Variants in DLGAP1 observed in about 807,000 individuals in gnomAD.
The protein encoded by DLGAP1 is DLG associated protein 1.
A neutral mutation model predicts 90.8 loss-of-function variants in DLGAP1; 11 were observed. That is an observed-to-expected ratio of 0.12 (90% CI 0.08 to 0.20). The LOEUF (loss-of-function observed/expected upper bound fraction) is 0.20, where lower values mean the gene tolerates loss of function less well. Ranked by LOEUF, DLGAP1 falls within the 10% of genes least tolerant of loss-of-function variation. The pLI, the probability that DLGAP1 is intolerant of heterozygous loss-of-function variation, is 1.00. For missense variants in DLGAP1, 1,050 were observed against 1,333.8 expected, an observed-to-expected ratio of 0.79 and a Z score of 3.31; for synonymous variants, 558 against 540.7, an observed-to-expected ratio of 1.03 and a Z score of -0.44.
rs550182820 is a variant in DLGAP1 at position 4,227,587 on chromosome 18, C to A, written c.-266-76300G>T. On this transcript the variant is annotated intron_variant, in intron 1 of 12. Transcript: ENST00000315677. ...AACACATGGAAATTAAATAATATGC[C>A]CCCAAATGATTAGTAAGTGGGTGAA... Among the ~76,000 whole-genome samples the A allele has an allele frequency of 2.6e-5, 4 of 151,228 alleles. No homozygotes were observed. The South Asian group carries it at 6.3e-4, about 24-fold the overall frequency.
intron 3 of DLGAP1, among the ~76,000 whole-genome samples, chr18:3,941,292 A>AGG (rs1486555854): frequency 6.6e-6 from 1 of 152,202 alleles, no homozygotes; most frequent in African/African-American, 2.4e-5. Flanking sequence ...GGAACACTGC[A>AGG]GTAGGGTTTG....
intron 3 of DLGAP1, among the ~76,000 whole-genome samples, chr18:3,989,815 G>T (rs927433145): frequency 6.6e-6 from 1 of 152,084 alleles, no homozygotes; most frequent in Non-Finnish European, 1.5e-5. Context: ...ATCAAAAAGT[G>T]GGTGAAGGAT....
chr18:3,651,903 G>A (rs976575549), intron 7 of DLGAP1, among the ~76,000 whole-genome samples: 9 of 152,046 alleles, frequency 5.9e-5, no homozygotes, highest in South Asian at 2.1e-4. Context: ...CCCAGGAGGC[G>A]GAGGTTGCAG....
rs183444594 is a variant in DLGAP1, at chr18:4,184,967, C to T, written c.-266-33680G>A. On this transcript the variant is annotated intron_variant, in intron 1 of 12. Transcript: ENST00000315677. ...TTGATGTTCTATGAACACTTTAATACGTTAGAGATCACTTAATGCAGTTGA... is the reference window on the plus strand; with the variant it reads ...TTGATGTTCTATGAACACTTTAATATGTTAGAGATCACTTAATGCAGTTGA... Among the ~76,000 whole-genome samples, 86 of 152,194 alleles carry T rather than the reference C, an allele frequency of 5.7e-4. 1 individual carries two copies. In the East Asian group the frequency reaches 0.01, roughly 19 times the overall value.
intron 2 of DLGAP1, among the ~76,000 whole-genome samples, chr18:4,075,906 A>C (rs2075515903): frequency 6.6e-6 from 1 of 152,174 alleles, no homozygotes; most frequent in South Asian, 2.1e-4. Context: ...GTTTTATCAG[A>C]ATCTGTTGTC....
intron 3 of DLGAP1, among the ~76,000 whole-genome samples, chr18:3,930,387 T>G (rs1039478981): frequency 1.3e-5 from 2 of 152,218 alleles, no homozygotes; most frequent in African/African-American, 4.8e-5. Context: ...TACCCTCTTG[T>G]GAAATCATCA....
At chr18:4,128,486 GATT>G (rs1418336503) in intron 2 of DLGAP1, among the ~76,000 whole-genome samples, 1 of 152,104 alleles carries the variant, frequency 6.6e-6, no homozygotes, top group African/African-American at 2.4e-5. Flanking sequence ...GTGAAAATGT[GATT>G]ATATTACTTG....
At chr18:4,125,240 G>C (rs1296011211) in intron 2 of DLGAP1, among the ~76,000 whole-genome samples, 1 of 152,238 alleles carries the variant, frequency 6.6e-6, no homozygotes, top group African/African-American at 2.4e-5. Context: ...ATACACAGCA[G>C]TGCATATGTT....
At chr18:3,979,109 T>C (rs1048685100) in intron 3 of DLGAP1, among the ~76,000 whole-genome samples, 2 of 152,228 alleles carry the variant, frequency 1.3e-5, no homozygotes, top group African/African-American at 2.4e-5. Flanking sequence ...GATGACATTA[T>C]GCTAAATGAA....
rs557008038 is a variant in DLGAP1 at position 4,135,378 on chromosome 18, A to G, written c.-159+15802T>C. Among the ~76,000 whole-genome samples the G allele has an allele frequency of 5.9e-5, 9 of 152,258 alleles. No homozygotes were observed. In the South Asian group the frequency reaches 1.7e-3, roughly 28 times the overall value. ...CTCCTATTTAATACATAGGCCCTAA[A>G]CATGGTCAATAAGTCAGGTCTGAGT... On this transcript the variant is annotated intron_variant, in intron 2 of 12. Coordinates refer to ENST00000315677, the MANE Select transcript of DLGAP1 (RefSeq NM_004746.4).
intron 2 of DLGAP1, 51 bp downstream of exon 2, chr18:4,151,129 A>T (rs1044345754): frequency 3.9e-5 from 6 of 152,150 alleles, no homozygotes; most frequent in African/African-American, 1.4e-4. Context: ...GGAAGCTGTT[A>T]TTTAAGAAAC....
At chr18:4,285,086 C>CATT (rs10691313) in intron 1 of DLGAP1, among the ~76,000 whole-genome samples, 101,294 of 151,834 alleles carry the variant, frequency 0.67, 35,082 homozygotes, top group East Asian at 0.79. Flanking sequence ...TTTGTAAAGC[C>CATT]ATTATTTTTG....
At chr18:4,005,777 C>T (rs1021562743) in intron 2 of DLGAP1, among the ~76,000 whole-genome samples, 3 of 152,210 alleles carry the variant, frequency 2.0e-5, no homozygotes, top group Non-Finnish European at 4.4e-5. Flanking sequence ...CTAAAAGCTA[C>T]AGCTTCAAAA....
At chr18:4,063,903 T>G (rs2075335379) in intron 2 of DLGAP1, among the ~76,000 whole-genome samples, 1 of 152,072 alleles carries the variant, frequency 6.6e-6, no homozygotes, top group Admixed American at 6.6e-5. Context: ...GTAGCCCATT[T>G]TTCTATTAAT....
At chr18:4,233,950 C>T (rs572035994) in intron 1 of DLGAP1, among the ~76,000 whole-genome samples, 7 of 152,082 alleles carry the variant, frequency 4.6e-5, no homozygotes, top group South Asian at 2.1e-4. Context: ...CTACATCATA[C>T]GTTTTTAAAA....
chr18:3,534,197 C>A lies in DLGAP1; in HGVS notation c.2476G>T (p.Asp826Tyr). ...REERENNLPE[D>Y]ILGKIRTAVG... ...GGCACGTGGTGGCATTACTTACTGT[C>A]TTCGGGCAGGTTGTTTTCCCGTTCT... Residue 826 changes from aspartate (D) to tyrosine (Y), a missense_variant, in exon 10 of 13, where the codon GAC becomes TAC. Coordinates refer to ENST00000315677, the MANE Select transcript of DLGAP1 (RefSeq NM_004746.4). 6.2e-7 allele frequency: 1 copy of A among 1,612,512 alleles called. No individual in the cohort carries two copies. The highest frequency in any genetic ancestry group is 1.1e-5 in the South Asian group (1 of 90,766).
chr18:3,688,446 A>T (rs1473737231), intron 7 of DLGAP1, among the ~76,000 whole-genome samples: 1 of 152,110 alleles, frequency 6.6e-6, no homozygotes, highest in Non-Finnish European at 1.5e-5. Context: ...CCCTAAGGGA[A>T]AGATCAGTGA....
intron 7 of DLGAP1, among the ~76,000 whole-genome samples, chr18:3,599,574 G>T (rs767395213): frequency 2.0e-5 from 3 of 152,148 alleles, no homozygotes; most frequent in Non-Finnish European, 4.4e-5. Flanking sequence ...GGCGTGCAAG[G>T]TTTCACGTCT....
intron 1 of DLGAP1, among the ~76,000 whole-genome samples, chr18:4,313,179 G>C (rs946961205): frequency 6.6e-6 from 1 of 152,162 alleles, no homozygotes; most frequent in Non-Finnish European, 1.5e-5. Flanking sequence ...GTCACTGCAC[G>C]AAGCTTGTAT....
Sources: allele counts gnomAD v4.1 joint callset (sites outside exome capture counted in the v4.1 genomes callset), GRCh38; gene constraint gnomAD v4.1.1; transcripts MANE v1.5; gene names NCBI Gene and HGNC (gene_info 2026-07-23, HGNC 2026-07-21).